The following UBE4B variants were observed in gnomAD, a reference collection of about 807,000 sequenced individuals.
The protein encoded by UBE4B is ubiquitination factor E4B.
In UBE4B, 27 loss-of-function variants were observed where a neutral mutation model predicts 148.1. That is an observed-to-expected ratio of 0.18 (90% CI 0.13 to 0.25). UBE4B has a LOEUF of 0.25. Among genes scored for constraint, UBE4B ranks in the 10% least tolerant of loss-of-function variants. The pLI is 1.00. For missense variants in UBE4B, 1,170 were observed against 1,662.4 expected, an observed-to-expected ratio of 0.70 and a Z score of 5.15; for synonymous variants, 596 against 619.3, an observed-to-expected ratio of 0.96 and a Z score of 0.56.
intron 1 of UBE4B, among the ~76,000 whole-genome samples, chr1:10,043,389 CA>C (rs1159147927): frequency 6.1e-5 from 9 of 148,592 alleles, no homozygotes; most frequent in Non-Finnish European, 1.2e-4. Flanking sequence ...TTGTTTTCAT[CA>C]CATTTTAATA....
intron 24 of UBE4B, 139 bp from the exon 25 acceptor site, chr1:10,170,999 G>C: frequency 2.5e-6 from 2 of 812,660 alleles, no homozygotes; most frequent in Non-Finnish European, 3.8e-6. Context: ...TCTTTCTTCA[G>C]CTTATGATAC....
intron 7 of UBE4B, among the ~76,000 whole-genome samples, chr1:10,107,576 C>CTTTTTTTTTTTT (rs60975850): frequency 2.3e-5 from 3 of 128,286 alleles, no homozygotes; most frequent in Non-Finnish European, 1.6e-5. Context: ...TTCTTTCTTT[C>CTTTTTTTTTTTT]TTTTTTTTTT....
chr1:10,074,147 A>C (rs1644539552), intron 2 of UBE4B, among the ~76,000 whole-genome samples: 1 of 151,850 alleles, frequency 6.6e-6, no homozygotes, highest in Admixed American at 6.6e-5. Flanking sequence ...GGCAGAACCT[A>C]GGCAGGGAAC....
intron 9 of UBE4B, among the ~76,000 whole-genome samples, chr1:10,120,220 G>T (rs1645386795): frequency 6.6e-6 from 1 of 152,128 alleles, no homozygotes. Context: ...AAAGGGAAAA[G>T]CTTACATTTA....
chr1:10,045,112 C>G (rs940701721), intron 1 of UBE4B, among the ~76,000 whole-genome samples: 7 of 152,090 alleles, frequency 4.6e-5, no homozygotes, highest in African/African-American at 1.7e-4. Flanking sequence ...TGCTCCCATT[C>G]GAATCTAATG....
chr1:10,164,106 C>T (rs1394539253), intron 23 of UBE4B, among the ~76,000 whole-genome samples: 3 of 151,906 alleles, frequency 2.0e-5, no homozygotes, highest in East Asian at 4.0e-4. Context: ...TTTGGGAGGC[C>T]GAGGCCGGCA....
At chr1:10,121,353 T>C (rs1460424005) in intron 9 of UBE4B, among the ~76,000 whole-genome samples, 1 of 152,166 alleles carries the variant, frequency 6.6e-6, no homozygotes. Context: ...AGACTCCATC[T>C]CTAAAAAACA....
rs569884885 is a variant in UBE4B, at chr1:10,135,796, A to G, written c.2224+610A>G. Among the ~76,000 whole-genome samples the G allele has an allele frequency of 3.3e-5, 5 of 151,830 alleles. 1 individual carries two copies. The East Asian group carries it at 9.7e-4, about 29-fold the overall frequency. ...AAAATCAAGTTATCATAATATATCTATAAAAAAGCCAAAACCAAAGTGATA... is the reference window on the plus strand; with the variant it reads ...AAAATCAAGTTATCATAATATATCTGTAAAAAAGCCAAAACCAAAGTGATA... On this transcript the variant is annotated intron_variant, in intron 16 of 27. Coordinates refer to ENST00000343090, the MANE Select transcript of UBE4B (RefSeq NM_001105562.3).
chr1:10,125,400 C>T (rs1339469940), intron 10 of UBE4B, among the ~76,000 whole-genome samples: 1 of 152,204 alleles, frequency 6.6e-6, no homozygotes, highest in African/African-American at 2.4e-5. Flanking sequence ...GAGCAAGTTA[C>T]ATCTACCTTG....
chr1:10,178,681 C>T lies in UBE4B; in HGVS notation c.3563C>T (p.Ser1188Leu). Residue 1188 changes from serine (S) to leucine (L), a missense_variant, in exon 26 of 28, where the codon TCA (serine) becomes TTA (leucine). Coordinates refer to ENST00000343090, the MANE Select transcript of UBE4B (RefSeq NM_001105562.3). ...YSKELFEEVI[S>L]KMRKAGIKST... ...AAGGAATTGTTTGAAGAAGTTATTT[C>T]AAAGATGCGGAAGGCAGGGATCAAA... 6.2e-7 allele frequency: 1 copy of T among 1,612,916 alleles called. No homozygotes were observed. Among genetic ancestry groups the T allele is most frequent in the Non-Finnish European group, 8.5e-7 (1 of 1,179,724 alleles).
intron 2 of UBE4B, among the ~76,000 whole-genome samples, chr1:10,086,296 CA>C (rs1475275744): frequency 5.9e-5 from 9 of 151,990 alleles, no homozygotes; most frequent in Admixed American, 5.2e-4. Context: ...TTAGCAGAGA[CA>C]GGGTTTCGCC....
At chr1:10,093,947 G>A (rs1048596914) in intron 2 of UBE4B, among the ~76,000 whole-genome samples, 8 of 152,034 alleles carry the variant, frequency 5.3e-5, no homozygotes, top group East Asian at 3.9e-4. Flanking sequence ...TGCCTTCCTC[G>A]GCCCCTCAAA....
chr1:10,116,143 CT>C (rs1273426013), intron 7 of UBE4B, among the ~76,000 whole-genome samples: 2 of 152,020 alleles, frequency 1.3e-5, no homozygotes, highest in Non-Finnish European at 2.9e-5. Context: ...TGTTCCCATA[CT>C]TTTTTTCTTT....
At chr1:10,111,205 C>A (rs889194296) in intron 7 of UBE4B, among the ~76,000 whole-genome samples, 1 of 151,844 alleles carries the variant, frequency 6.6e-6, no homozygotes, top group Non-Finnish European at 1.5e-5. Flanking sequence ...CACGTACACT[C>A]CACATACTAC....
intron 2 of UBE4B, among the ~76,000 whole-genome samples, chr1:10,089,751 G>A (rs1449343496): frequency 6.7e-6 from 1 of 149,754 alleles, no homozygotes; most frequent in Admixed American, 6.7e-5. Flanking sequence ...CCATCCTGGA[G>A]GGCAGTGGCT....
At chr1:10,070,654 T>C (rs1570821322) in intron 1 of UBE4B, among the ~76,000 whole-genome samples, 1 of 152,310 alleles carries the variant, frequency 6.6e-6, no homozygotes, top group East Asian at 1.9e-4. Flanking sequence ...TGGGTAAATC[T>C]GTTAGGAAGC....
rs528082407 is a variant in UBE4B at position 10,078,571 on chromosome 1, G to A, written c.211+6357G>A. 7.9e-5 allele frequency among the ~76,000 whole-genome samples: 12 copies of A among 152,016 alleles called. No individual in the cohort carries two copies. The South Asian group carries it at 8.3e-4, about 11-fold the overall frequency. On this transcript the variant is annotated intron_variant, in intron 2 of 27. Transcript: ENST00000343090. The stretch of plus-strand genomic sequence containing the variant: ...ATCTTCAGAACTTCTTAACTGTCTC[G>A]GGTTATTTTATTTTACAGCCTTGTT...
chr1:10,142,809 G>A (rs1390832106), intron 17 of UBE4B, among the ~76,000 whole-genome samples: 1 of 152,024 alleles, frequency 6.6e-6, no homozygotes, highest in Admixed American at 6.6e-5. Context: ...TATTTTCAAA[G>A]CCAGCAACAT....
chr1:10,146,903 C>G lies in UBE4B; in HGVS notation c.2464-60C>G. Reference sequence around the variant, plus strand: ...CTCCTGGCCCCAGTCCCTGCCCAGTCCCCCTGTAGGGACTTAGCTACTGAC... The same window carrying G: ...CTCCTGGCCCCAGTCCCTGCCCAGTGCCCCTGTAGGGACTTAGCTACTGAC... On this transcript the variant is annotated intron_variant, in intron 18 of 27. Transcript: ENST00000343090. 3.8e-6 allele frequency: 6 copies of G among 1,589,466 alleles called. No individual in the cohort carries two copies. In the Admixed American group the frequency reaches 1.0e-4, roughly 27 times the overall value.
Sources: allele counts gnomAD v4.1 joint callset (sites outside exome capture counted in the v4.1 genomes callset), GRCh38; gene constraint gnomAD v4.1.1; transcripts MANE v1.5; gene names NCBI Gene and HGNC (gene_info 2026-07-23, HGNC 2026-07-21).